Variants in ZNF775 observed in about 807,000 individuals in gnomAD.
The protein encoded by ZNF775 is zinc finger protein 775.
A neutral mutation model predicts 2.4 loss-of-function variants in ZNF775; 1 was observed. That is an observed-to-expected ratio of 0.41 (90% confidence interval 0.15 to 1.94). The LOEUF (loss-of-function observed/expected upper bound fraction) is 1.94, where lower values mean the gene tolerates loss of function less well. Ranked by LOEUF, ZNF775 falls within the 30% of genes most tolerant of loss-of-function variation. ZNF775 has a pLI of 0.30. For missense variants in ZNF775, 823 were observed against 826.6 expected (o/e 1.00, Z 0.05); for synonymous variants, 381 against 373.3 (o/e 1.02, Z -0.24).
At chr7:150,380,513 C>A (rs1298824782) in intron 1 of ZNF775, among the ~76,000 whole-genome samples, 1 of 152,138 alleles carries the variant, frequency 6.6e-6, no homozygotes, top group East Asian at 1.9e-4. Context: ...CTGGTCAAAG[C>A]GATCCCTAAT....
chr7:150,393,933 G>T (rs1800604948), intron 2 of ZNF775, among the ~76,000 whole-genome samples: 1 of 152,216 alleles, frequency 6.6e-6, no homozygotes, highest in South Asian at 2.1e-4. Context: ...GCCTCCCAAA[G>T]TGCTGGGATT....
At chr7:150,389,893 G>T (rs1800528385) in intron 2 of ZNF775, among the ~76,000 whole-genome samples, 1 of 25,068 alleles carries the variant, frequency 4.0e-5, no homozygotes, top group South Asian at 7.3e-4. Context: ...GTGTGTGTGT[G>T]TGTGTGTGTG....
chr7:150,380,181 A>G (rs1010591599), intron 1 of ZNF775: 2 of 152,196 alleles, frequency 1.3e-5, no homozygotes, highest in African/African-American at 4.8e-5. Context: ...AACTGTTCCC[A>G]TGTTCATCTG....
intron 2 of ZNF775, 36 bp from the exon 3 acceptor site, chr7:150,396,477 C>T: frequency 1.3e-6 from 2 of 1,543,028 alleles, no homozygotes; most frequent in Non-Finnish European, 1.7e-6. Context: ...GCAGCAGTGA[C>T]CTCTCTCCCT....
At position 150,384,607 on chromosome 7, in the gene ZNF775, T is replaced by C. The variant is rs945685453; in HGVS notation, c.-49-3815T>C. ...ACCTGAGCACACAGGTAGAGGCGGG[T>C]CCCCAAAGACTTGGCCTCCCCTCAT... On this transcript the variant is annotated intron_variant, in intron 1 of 2. Coordinates refer to ENST00000329630, the MANE Select transcript of ZNF775 (RefSeq NM_173680.4). This position sits in a 1 kb window ranked among gnomAD's most constrained non-coding sequence, Gnocchi z 4.1. Among the ~76,000 whole-genome samples, 31 of 151,674 alleles carry C rather than the reference T, an allele frequency of 2.0e-4. No homozygotes were observed. The highest frequency in any genetic ancestry group is 7.3e-4 in the African/African-American group (30 of 41,304).
Position 150,398,300 on chromosome 7 carries a change from G to A in ZNF775, c.*205G>A. On this transcript the variant is annotated 3_prime_UTR_variant, in exon 3 of 3. Transcript: ENST00000329630. ...TCCCAGCGTGGGTTGAGGGAGGAGG[G>A]AAGATCCGAGTTCCTCACCGCGGGC... 1 of 848,746 alleles carries A rather than the reference G, an allele frequency of 1.2e-6. No homozygotes were observed. The highest frequency in any genetic ancestry group is 1.7e-6 in the Non-Finnish European group (1 of 575,878). The allele number at this position is 848,746 out of a possible 1,614,324, so 52.6% of individuals were successfully genotyped here. A position where few individuals can be genotyped will look rare whatever the true frequency, so the allele number is the denominator to read the frequency against.
Position 150,397,959 on chromosome 7 carries a change from G to GGC in ZNF775, c.1481_1482dup (p.Asn495AlafsTer75). 1 of 1,597,812 alleles carries GGC rather than the reference G, an allele frequency of 6.3e-7. No individual in the cohort carries two copies. The highest frequency in any genetic ancestry group is 2.2e-5 in the East Asian group (1 of 44,522). Reference sequence around the variant, plus strand: ...CAGAAGCCCAACCTGACGCGGCACCGGCGCAACCACACAGGCGAGCGGCCC... The same window carrying GGC: ...CAGAAGCCCAACCTGACGCGGCACCGGCGCGCAACCACACAGGCGAGCGGCCC... On this transcript the variant is annotated frameshift_variant, in exon 3 of 3. Coordinates refer to ENST00000329630, the MANE Select transcript of ZNF775 (RefSeq NM_173680.4). LOFTEE classifies it low-confidence loss of function (END_TRUNC).
At chr7:150,387,163 C>T (rs974848249) in intron 1 of ZNF775, among the ~76,000 whole-genome samples, 5 of 151,796 alleles carry the variant, frequency 3.3e-5, no homozygotes, top group Non-Finnish European at 4.4e-5. Context: ...GGTGTGGTGG[C>T]GCACACCTGT....
In ZNF775 at chr7:150,397,954, G is replaced by A. The variant is rs1392546243; in HGVS notation, c.1473G>A (p.Arg491=). Residue 491 remains arginine (R), a synonymous_variant, in exon 3 of 3, where the codon CGG becomes CGA. Transcript: ENST00000329630. ...TCAGCCAGAAGCCCAACCTGACGCG[G>A]CACCGGCGCAACCACACAGGCGAGC... ...RRFSQKPNLT[R]HRRNHTGERP... The A allele has an allele frequency of 1.3e-6, 2 of 1,599,452 alleles. No individual in the cohort carries two copies. The highest frequency in any genetic ancestry group is 1.7e-6 in the Non-Finnish European group (2 of 1,178,234).
intron 2 of ZNF775, among the ~76,000 whole-genome samples, chr7:150,391,993 C>G (rs149897321): frequency 6.6e-6 from 1 of 152,128 alleles, no homozygotes; most frequent in Non-Finnish European, 1.5e-5. Context: ...GGATTACTGA[C>G]GTGAACCACT....
intron 2 of ZNF775, among the ~76,000 whole-genome samples, chr7:150,389,881 G>A (rs867433837): frequency 0.013 from 292 of 23,344 alleles, 7 homozygotes; most frequent in African/African-American, 0.039. Flanking sequence ...GTGTGTGTGT[G>A]TGTGTGTGTG....
At chr7:150,383,395 C>T (rs181631851) in intron 1 of ZNF775, among the ~76,000 whole-genome samples, 12 of 152,300 alleles carry the variant, frequency 7.9e-5, no homozygotes, top group Admixed American at 2.0e-4. Flanking sequence ...ATGAGGGACG[C>T]GCAGGTGTGG....
chr7:150,384,156 G>T lies in ZNF775; in HGVS notation c.-49-4266G>T, dbSNP rs1408040933. Among the ~76,000 whole-genome samples the T allele has an allele frequency of 6.6e-6, 1 of 152,222 alleles. No homozygotes were observed. Among genetic ancestry groups the T allele is most frequent in the Non-Finnish European group, 1.5e-5 (1 of 68,032 alleles). On this transcript the variant is annotated intron_variant, in intron 1 of 2. Transcript: ENST00000329630. This position sits in a 1 kb window ranked among gnomAD's most constrained non-coding sequence, Gnocchi z 4.1. ...ACCCGGTGCGCGGAGGGCCGGGCCA[G>T]GGCCAGGCGTGGGAAGGGGGCCCCT...
At position 150,397,962 on chromosome 7, in the gene ZNF775, G is replaced by A. The variant is rs1236497691; in HGVS notation, c.1481G>A (p.Arg494His). 1 of 1,599,250 alleles carries A rather than the reference G, an allele frequency of 6.3e-7. No homozygotes were observed. Among genetic ancestry groups the A allele is most frequent in the South Asian group, 1.1e-5 (1 of 90,724 alleles). ...SQKPNLTRHR[R>H]NHTGERPYLC... ...AAGCCCAACCTGACGCGGCACCGGC[G>A]CAACCACACAGGCGAGCGGCCCTAC... Residue 494 changes from arginine (R) to histidine (H), a missense_variant, in exon 3 of 3, where the codon CGC becomes CAC. Physicochemically the swap from Arg to His is conservative, Grantham distance 29. Coordinates refer to ENST00000329630, the MANE Select transcript of ZNF775 (RefSeq NM_173680.4).
At chr7:150,394,105 G>A (rs535178162) in intron 2 of ZNF775, among the ~76,000 whole-genome samples, 143 of 152,314 alleles carry the variant, frequency 9.4e-4, no homozygotes, top group Non-Finnish European at 1.7e-3. Flanking sequence ...CACTTAAATA[G>A]GATTACACTG....
At position 150,397,227 on chromosome 7, in the gene ZNF775, A is replaced by G. The variant is rs1182550001; in HGVS notation, c.746A>G (p.Glu249Gly). The change falls in exon 3 of 3, where the codon GAG (glutamate) becomes GGG (glycine). Residue 249 changes from glutamate to glycine, a missense_variant. Glu to Gly is a moderately conservative substitution (Grantham distance 98, BLOSUM62 -2). Coordinates refer to ENST00000329630, the MANE Select transcript of ZNF775 (RefSeq NM_173680.4). ...LQPGPPRGRP[E>G]WAWLGLCQGW... Reference sequence around the variant, plus strand: ...CCGGGGCCGCCGCGGGGGCGCCCCGAGTGGGCCTGGCTGGGGCTCTGCCAG... The same window carrying G: ...CCGGGGCCGCCGCGGGGGCGCCCCGGGTGGGCCTGGCTGGGGCTCTGCCAG... 1.1e-5 allele frequency: 12 copies of G among 1,140,008 alleles called. No homozygotes were observed. Among genetic ancestry groups the G allele is most frequent in the Non-Finnish European group, 1.1e-5 (10 of 929,718 alleles). 70.6% of individuals were successfully genotyped at this position (1,140,008 alleles called of 1,614,324 possible).
At chr7:150,386,441 C>T (rs1040313732) in intron 1 of ZNF775, among the ~76,000 whole-genome samples, 3 of 152,140 alleles carry the variant, frequency 2.0e-5, no homozygotes, top group Non-Finnish European at 4.4e-5. Flanking sequence ...GATTCATATT[C>T]ACCCCTCCCC....
Position 150,396,835 on chromosome 7 carries a change from G to A in ZNF775, c.354G>A (p.Trp118Ter). 6.2e-7 allele frequency: 1 copy of A among 1,602,202 alleles called. No individual in the cohort carries two copies. The highest frequency in any genetic ancestry group is 8.5e-7 in the Non-Finnish European group (1 of 1,178,884). ...VCLDCGKRFS[W>*]WSSLKIHQRT... is the part of the protein sequence containing the mutation. ...TGGACTGCGGGAAGAGGTTCAGCTG[G>A]TGGTCGTCCCTGAAGATCCACCAGC... The change falls in exon 3 of 3, where the codon TGG becomes TGA. Residue 118 changes from tryptophan to a stop codon, truncating the protein, a stop_gained. Transcript: ENST00000329630. LOFTEE classifies it low-confidence loss of function (END_TRUNC).
In ZNF775 at chr7:150,384,380, G is replaced by A. The variant is rs979756360; in HGVS notation, c.-49-4042G>A. ...TGGGCAGCCTGCTCACCTGGCTCCT[G>A]GGTGTCTCCAGGTGGCTGAGGACAT... On this transcript the variant is annotated intron_variant, in intron 1 of 2. Coordinates refer to ENST00000329630, the MANE Select transcript of ZNF775 (RefSeq NM_173680.4). This position sits in a 1 kb window ranked among gnomAD's most constrained non-coding sequence, Gnocchi z 4.1. 2.6e-5 allele frequency among the ~76,000 whole-genome samples: 4 copies of A among 152,246 alleles called. No homozygotes were observed. The highest frequency in any genetic ancestry group is 7.2e-5 in the African/African-American group (3 of 41,464).
Sources: allele counts gnomAD v4.1 joint callset (sites outside exome capture counted in the v4.1 genomes callset), GRCh38; gene constraint gnomAD v4.1.1; non-coding constraint Gnocchi (gnomAD v3.1); transcripts MANE v1.5; gene names NCBI Gene and HGNC (gene_info 2026-07-23, HGNC 2026-07-21).